Variants in CLNK observed in about 807,000 individuals in gnomAD.
The protein encoded by CLNK is cytokine dependent hematopoietic cell linker, also known as cytokine-dependent hematopoietic cell linker.
A neutral mutation model predicts 68.6 loss-of-function variants in CLNK; 74 were observed. That is an observed-to-expected ratio of 1.08 (90% CI 0.89 to 1.31). CLNK has a LOEUF of 1.31. CLNK is among the 50% of genes most tolerant of loss of function. The pLI is 0.00. For missense variants in CLNK, 553 were observed against 515.3 expected (o/e 1.07, Z -0.71); for synonymous variants, 198 against 172.2 (o/e 1.15, Z -1.17).
At chr4:10,682,407 C>T (rs1725128386) in intron 1 of CLNK, among the ~76,000 whole-genome samples, 1 of 152,176 alleles carries the variant, frequency 6.6e-6, no homozygotes, top group South Asian at 2.1e-4. Context: ...GTGGATATAA[C>T]TGCTCCATGT....
chr4:10,680,331 C>T (rs953011718), intron 1 of CLNK, among the ~76,000 whole-genome samples: 110 of 130,526 alleles, frequency 8.4e-4, no homozygotes, highest in Admixed American at 1.6e-3. Flanking sequence ...AACACATGGA[C>T]GCAGGAAGGG....
Position 10,546,885 on chromosome 4 carries a change from C to T in CLNK, c.446-4605G>A, listed in dbSNP as rs557147763. Reference sequence around the variant, plus strand: ...GATGCATCTGGTGAGAGCCTTCTTGCTGAAGGGGACTTACTGCAGAGTCCT... The same window carrying T: ...GATGCATCTGGTGAGAGCCTTCTTGTTGAAGGGGACTTACTGCAGAGTCCT... On this transcript the variant is annotated intron_variant, in intron 8 of 18. Transcript: ENST00000226951. Among the ~76,000 whole-genome samples the T allele has an allele frequency of 1.3e-3, 202 of 152,282 alleles. 2 individuals carry two copies. The highest frequency in any genetic ancestry group is 4.6e-3 in the African/African-American group (191 of 41,556).
the CLNK span, among the ~76,000 whole-genome samples, chr4:10,707,899 G>A: frequency 6.6e-6 from 1 of 152,184 alleles, no homozygotes; most frequent in Admixed American, 6.5e-5. Context: ...GTGCAGCATG[G>A]ATCACAAAGG....
chr4:10,727,416 C>T, the CLNK span, among the ~76,000 whole-genome samples: 3 of 152,220 alleles, frequency 2.0e-5, no homozygotes, highest in Admixed American at 1.3e-4. Flanking sequence ...TTCACCAAGA[C>T]ATTCACTCAC....
chr4:10,624,554 C>A (rs1031999201), intron 2 of CLNK, among the ~76,000 whole-genome samples: 2 of 149,760 alleles, frequency 1.3e-5, no homozygotes, highest in South Asian at 2.1e-4. Flanking sequence ...AGCCTCCCAA[C>A]GTGCTGGGAT....
At chr4:10,616,124 T>C (rs1264306769) in intron 2 of CLNK, among the ~76,000 whole-genome samples, 2 of 152,234 alleles carry the variant, frequency 1.3e-5, no homozygotes, top group East Asian at 3.8e-4. Flanking sequence ...TTACTACATT[T>C]CGCGATTACC....
intron 7 of CLNK, among the ~76,000 whole-genome samples, chr4:10,558,737 C>G (rs527738622): frequency 2.0e-5 from 3 of 152,176 alleles, no homozygotes; most frequent in Non-Finnish European, 4.4e-5. Context: ...ATATTATTAA[C>G]TTCAGATTTT....
chr4:10,503,186 G>A (rs1238996234), intron 17 of CLNK, among the ~76,000 whole-genome samples: 1 of 152,174 alleles, frequency 6.6e-6, no homozygotes, highest in African/African-American at 2.4e-5. Context: ...TAGAGGCCGG[G>A]TGTGGTGCCT....
At chr4:10,598,751 A>G (rs752610065) in intron 2 of CLNK, 1 of 384,740 alleles carries the variant, frequency 2.6e-6, no homozygotes, top group Non-Finnish European at 5.2e-6. Context: ...CACGTTTCCC[A>G]CATTTTCCTT....
the CLNK span, among the ~76,000 whole-genome samples, chr4:10,721,666 T>G: frequency 6.6e-6 from 1 of 152,244 alleles, no homozygotes; most frequent in African/African-American, 2.4e-5. Flanking sequence ...ATTAATTCAC[T>G]TGTTTGCTTT....
At chr4:10,644,977 C>A (rs569919677) in intron 2 of CLNK, among the ~76,000 whole-genome samples, 1 of 152,224 alleles carries the variant, frequency 6.6e-6, no homozygotes, top group Non-Finnish European at 1.5e-5. Context: ...GATCCCAGTT[C>A]ATAGCTGGGT....
intron 18 of CLNK, among the ~76,000 whole-genome samples, chr4:10,499,862 C>T (rs1164391580): frequency 2.6e-5 from 4 of 152,154 alleles, no homozygotes; most frequent in Admixed American, 1.3e-4. Flanking sequence ...CTAATCTCCT[C>T]TTGTCATAAG....
At position 10,552,601 on chromosome 4, in the gene CLNK, G is replaced by A. The variant is rs904955209; in HGVS notation, c.445+5806C>T. Among the ~76,000 whole-genome samples the A allele has an allele frequency of 2.6e-5, 4 of 152,110 alleles. No homozygotes were observed. In the South Asian group the frequency reaches 8.3e-4, roughly 32 times the overall value. On this transcript the variant is annotated intron_variant, in intron 8 of 18. Transcript: ENST00000226951. ...GAAGTAACTCATCTGCTTGAAGACA[G>A]CTTCAAACCCCTATAATTTCATCTC...
chr4:10,556,281 AG>A (rs1719670378), intron 8 of CLNK, among the ~76,000 whole-genome samples: 1 of 152,248 alleles, frequency 6.6e-6, no homozygotes, highest in African/African-American at 2.4e-5. Context: ...TTAGACTACC[AG>A]GTAGCTCAGA....
chr4:10,712,509 A>G, the CLNK span, among the ~76,000 whole-genome samples: 1 of 152,180 alleles, frequency 6.6e-6, no homozygotes, highest in South Asian at 2.1e-4. Flanking sequence ...AAAGACAATA[A>G]CAGCCCTTTC....
At chr4:10,593,441 G>A (rs891685903) in intron 3 of CLNK, among the ~76,000 whole-genome samples, 6 of 152,080 alleles carry the variant, frequency 3.9e-5, no homozygotes, top group African/African-American at 1.2e-4. Flanking sequence ...GATCACTTGA[G>A]GTCAGGAGTT....
intron 7 of CLNK, among the ~76,000 whole-genome samples, chr4:10,559,345 C>A (rs1164792400): frequency 6.6e-6 from 1 of 152,118 alleles, no homozygotes; most frequent in African/African-American, 2.4e-5. Flanking sequence ...CGTGGCCCTT[C>A]TTCTTTTGGT....
At chr4:10,709,155 T>G in the CLNK span, among the ~76,000 whole-genome samples, 1 of 152,244 alleles carries the variant, frequency 6.6e-6, no homozygotes, top group South Asian at 2.1e-4. Flanking sequence ...AGACCTATGC[T>G]TATACTGACT....
At chr4:10,693,305 T>C in the CLNK span, among the ~76,000 whole-genome samples, 2 of 152,058 alleles carry the variant, frequency 1.3e-5, no homozygotes, top group Non-Finnish European at 2.9e-5. Flanking sequence ...GGAAAAAGGG[T>C]CTTTGCAGAT....
Sources: allele counts gnomAD v4.1 joint callset (sites outside exome capture counted in the v4.1 genomes callset), GRCh38; gene constraint gnomAD v4.1.1; transcripts MANE v1.5; gene names NCBI Gene and HGNC (gene_info 2026-07-23, HGNC 2026-07-21).